Variants in METAP1D observed in about 807,000 individuals in gnomAD.
METAP1D encodes methionyl aminopeptidase type 1D, mitochondrial, also known as methionine aminopeptidase 1D, mitochondrial.
METAP1D carries 31 observed loss-of-function variants against 40.5 expected under a neutral mutation model. That is an observed-to-expected ratio of 0.77 (90% confidence interval 0.58 to 1.03). The LOEUF is 1.03. Ranked by LOEUF, METAP1D falls within the 50% of genes least tolerant of loss-of-function variation. METAP1D has a pLI of 0.00. For missense variants in METAP1D, 411 were observed against 420.7 expected (o/e 0.98, Z 0.20); for synonymous variants, 151 against 146.4 (o/e 1.03, Z -0.22).
At chr2:172,038,604 T>C (rs1405191604) in intron 1 of METAP1D, among the ~76,000 whole-genome samples, 1 of 152,138 alleles carries the variant, frequency 6.6e-6, no homozygotes, top group African/African-American at 2.4e-5. Flanking sequence ...TACATATGGG[T>C]TTTTATTTAC....
At chr2:172,051,181 A>C (rs1471296331) in intron 1 of METAP1D, among the ~76,000 whole-genome samples, 1 of 152,172 alleles carries the variant, frequency 6.6e-6, no homozygotes, top group Admixed American at 6.6e-5. Context: ...CCACCAAATG[A>C]TCAGCTTTTA....
intron 3 of METAP1D, among the ~76,000 whole-genome samples, chr2:172,065,342 C>G (rs1264596783): frequency 6.6e-6 from 1 of 152,162 alleles, no homozygotes; most frequent in Non-Finnish European, 1.5e-5. Flanking sequence ...CATTTAATGA[C>G]TCACAAATGA....
At chr2:172,038,532 T>G (rs1689446068) in intron 1 of METAP1D, among the ~76,000 whole-genome samples, 1 of 152,216 alleles carries the variant, frequency 6.6e-6, no homozygotes, top group Non-Finnish European at 1.5e-5. Context: ...AGACCAAATT[T>G]TAATTAGCTA....
intron 1 of METAP1D, among the ~76,000 whole-genome samples, chr2:172,026,917 A>G (rs1183050585): frequency 6.6e-6 from 1 of 152,182 alleles, no homozygotes; most frequent in Non-Finnish European, 1.5e-5. Flanking sequence ...GACAGCAAAC[A>G]TAAGGTTTCT....
Position 172,034,403 on chromosome 2 carries a change from TTTTGTG to T in METAP1D, c.41-27093_41-27088del, listed in dbSNP as rs1274485949. 3.8e-5 allele frequency among the ~76,000 whole-genome samples: 5 copies of T among 130,726 alleles called. No individual in the cohort carries two copies. In the East Asian group the frequency reaches 2.0e-3, roughly 52 times the overall value. 85.8% of individuals were successfully genotyped at this position (130,726 alleles called of 152,430 possible). On this transcript the variant is annotated intron_variant, in intron 1 of 9. Coordinates refer to ENST00000315796, the MANE Select transcript of METAP1D (RefSeq NM_199227.3). ...TTCATTAGCCTCCATAAGTCTCAGTTTTTGTGTGTGTGTGTGTGTGTGTGTGTGTTA... is the reference window on the plus strand; with the variant it reads ...TTCATTAGCCTCCATAAGTCTCAGTTTGTGTGTGTGTGTGTGTGTGTGTTA...
intron 1 of METAP1D, among the ~76,000 whole-genome samples, chr2:172,033,902 C>T (rs554283792): frequency 1.3e-5 from 2 of 151,610 alleles, no homozygotes; most frequent in South Asian, 4.2e-4. Context: ...ATGGTGAAAC[C>T]CTGTCTCAAC....
rs1267182910 is a variant in METAP1D, at chr2:172,005,520, T to TTTTTTATATATA, written c.40+5512_40+5513insTTTTATATATAT. Reference sequence around the variant, plus strand: ...AGTAGTATTCCATGGTGTCTGTATTTTATATATATATATATATATATATAT... The same window carrying TTTTTTATATATA: ...AGTAGTATTCCATGGTGTCTGTATTTTTTTTATATATATATATATATATATATATATATATAT... On this transcript the variant is annotated intron_variant, in intron 1 of 9. Coordinates refer to ENST00000315796, the MANE Select transcript of METAP1D (RefSeq NM_199227.3). Among the ~76,000 whole-genome samples the TTTTTTATATATA allele has an allele frequency of 1.2e-3, 128 of 110,946 alleles. 2 individuals carry two copies. The Middle Eastern group carries it at 0.019, about 17-fold the overall frequency. The allele number at this position is 110,946 out of a possible 152,430, so 72.8% of individuals were successfully genotyped here. A position where few individuals can be genotyped will look rare whatever the true frequency, so the allele number is the denominator to read the frequency against.
At chr2:172,002,068 G>A (rs62183785) in intron 1 of METAP1D, among the ~76,000 whole-genome samples, 63,788 of 147,410 alleles carry the variant, frequency 0.43, 15,298 homozygotes, top group Middle Eastern at 0.6. Flanking sequence ...AAAAAGATCT[G>A]GGTTCCAGTC....
At chr2:172,043,163 A>G (rs1263392732) in intron 1 of METAP1D, among the ~76,000 whole-genome samples, 1 of 128,764 alleles carries the variant, frequency 7.8e-6, no homozygotes, top group Non-Finnish European at 1.8e-5. Context: ...GCTGGTCTCA[A>G]ACTCCTGAGC....
rs144541073 is a variant in METAP1D, at chr2:172,031,502, G to T, written c.41-29996G>T. ...CTATAGCACTAGACTTATCTCAGTT[G>T]TAAAATGGATATTATATAATAAGAT... On this transcript the variant is annotated intron_variant, in intron 1 of 9. Coordinates refer to ENST00000315796, the MANE Select transcript of METAP1D (RefSeq NM_199227.3). Among the ~76,000 whole-genome samples, 862 of 152,330 alleles carry T rather than the reference G, an allele frequency of 5.7e-3. 9 individuals carry two copies. The highest frequency in any genetic ancestry group is 0.02 in the African/African-American group (820 of 41,568).
At chr2:172,055,709 A>G (rs1161068054) in intron 1 of METAP1D, among the ~76,000 whole-genome samples, 1 of 152,230 alleles carries the variant, frequency 6.6e-6, no homozygotes, top group Non-Finnish European at 1.5e-5. Context: ...CCTTGTGACA[A>G]CATTTGTAAG....
At chr2:172,046,984 A>G (rs55791993) in intron 1 of METAP1D, among the ~76,000 whole-genome samples, 31,368 of 152,090 alleles carry the variant, frequency 0.21, 3,365 homozygotes, top group Non-Finnish European at 0.23. Context: ...TATTTTGTGT[A>G]TTGTGTAAAT....
At chr2:172,021,707 C>T (rs112525355) in intron 1 of METAP1D, 1 of 152,204 alleles carries the variant, frequency 6.6e-6, no homozygotes, top group African/African-American at 2.4e-5. Flanking sequence ...CAGGGTCAGG[C>T]GTCTGCTTAG....
At chr2:172,047,867 A>T (rs1041958323) in intron 1 of METAP1D, among the ~76,000 whole-genome samples, 1 of 152,228 alleles carries the variant, frequency 6.6e-6, no homozygotes, top group African/African-American at 2.4e-5. Context: ...AAATTTAAGA[A>T]GTATTCTTAT....
chr2:172,046,381 C>A (rs1689766419), intron 1 of METAP1D, among the ~76,000 whole-genome samples: 1 of 152,070 alleles, frequency 6.6e-6, no homozygotes, highest in Non-Finnish European at 1.5e-5. Context: ...GAAATACACA[C>A]TGAACATTAC....
At chr2:172,017,284 T>C (rs955542164) in intron 1 of METAP1D, among the ~76,000 whole-genome samples, 5 of 150,790 alleles carry the variant, frequency 3.3e-5, no homozygotes, top group South Asian at 2.1e-4. Flanking sequence ...ATTTTATATA[T>C]ATACACATAT....
intron 1 of METAP1D, among the ~76,000 whole-genome samples, chr2:172,025,619 A>G (rs532377572): frequency 6.6e-6 from 1 of 152,286 alleles, no homozygotes; most frequent in South Asian, 2.1e-4. Flanking sequence ...GATTACAGGT[A>G]TGCACCATGT....
intron 1 of METAP1D, among the ~76,000 whole-genome samples, chr2:172,059,111 CTT>C (rs58889810): frequency 2.1e-5 from 3 of 143,912 alleles, no homozygotes; most frequent in Middle Eastern, 3.6e-3. Flanking sequence ...TTCTTTCTTT[CTT>C]TTTTTTTTTT....
At chr2:172,028,393 C>T (rs1447013515) in intron 1 of METAP1D, among the ~76,000 whole-genome samples, 2 of 152,162 alleles carry the variant, frequency 1.3e-5, no homozygotes, top group East Asian at 1.9e-4. Context: ...GGGGTCAGAC[C>T]ATTGCAGGCC....
Sources: gnomAD v4.1 joint callset for allele counts (sites outside exome capture counted in the v4.1 genomes callset) on GRCh38, gnomAD v4.1.1 for gene constraint, MANE v1.5 for transcripts, NCBI Gene and HGNC (gene_info 2026-07-23, HGNC 2026-07-21) for gene names.